The following SPON1 variants were observed in gnomAD, a reference collection of about 807,000 sequenced individuals.
SPON1 encodes the protein spondin-1.
SPON1 carries 52 observed loss-of-function variants against 111.7 expected under a neutral mutation model. The observed-to-expected ratio is 0.47, with a 90% CI of 0.37 to 0.59. The LOEUF (loss-of-function observed/expected upper bound fraction) is 0.59. Ranked by LOEUF, SPON1 falls within the 20% of genes least tolerant of loss-of-function variation. The pLI, the probability that SPON1 is intolerant of heterozygous loss-of-function variation, is 0.00. For missense variants in SPON1, 957 were observed against 1,068.5 expected (o/e 0.90, Z 1.46); for synonymous variants, 410 against 395.8 (o/e 1.04, Z -0.43).
chr11:14,064,960 T>C (rs1217245054), intron 3 of SPON1, among the ~76,000 whole-genome samples: 5 of 152,218 alleles, frequency 3.3e-5, no homozygotes, highest in African/African-American at 1.2e-4. Flanking sequence ...CCCAAAGCAA[T>C]GCACATGCTT....
chr11:14,256,247 C>CAAAAAGA, intron 9 of SPON1, among the ~76,000 whole-genome samples: 1 of 150,934 alleles, frequency 6.6e-6, no homozygotes. Flanking sequence ...AACTCCATCT[C>CAAAAAGA]AAAAAGAAAA....
chr11:14,161,019 C>G (rs1348533105), intron 6 of SPON1, among the ~76,000 whole-genome samples: 1 of 55,376 alleles, frequency 1.8e-5, no homozygotes, highest in Non-Finnish European at 3.0e-5. Flanking sequence ...ATTTATATAT[C>G]TATATATATT....
chr11:14,026,651 C>A (rs1554915346), intron 2 of SPON1, among the ~76,000 whole-genome samples: 1 of 152,178 alleles, frequency 6.6e-6, no homozygotes, highest in Non-Finnish European at 1.5e-5. Flanking sequence ...GAGAATACAA[C>A]AAGCTTCAGG....
intron 5 of SPON1, among the ~76,000 whole-genome samples, chr11:14,117,715 T>C (rs1344991031): frequency 6.6e-6 from 1 of 152,200 alleles, no homozygotes; most frequent in East Asian, 1.9e-4. Flanking sequence ...CTTAGTTAAA[T>C]AGACTTTGCT....
intron 3 of SPON1, among the ~76,000 whole-genome samples, chr11:14,059,793 G>T (rs1188717715): frequency 6.6e-6 from 1 of 152,136 alleles, no homozygotes; most frequent in Non-Finnish European, 1.5e-5. Flanking sequence ...GAAAAGCCTG[G>T]TTATTCCATT....
At chr11:14,090,850 C>A (rs1218970401) in intron 5 of SPON1, among the ~76,000 whole-genome samples, 21 of 87,232 alleles carry the variant, frequency 2.4e-4, no homozygotes, top group African/African-American at 8.1e-4. Flanking sequence ...CCCCCGCCCA[C>A]ATCCTGCTGA....
chr11:14,079,032 T>C (rs1450554767), intron 4 of SPON1, among the ~76,000 whole-genome samples: 3 of 152,180 alleles, frequency 2.0e-5, no homozygotes, highest in African/African-American at 7.2e-5. Flanking sequence ...ATTATGTTAA[T>C]ACTACTAGAG....
intron 2 of SPON1, among the ~76,000 whole-genome samples, chr11:13,992,269 A>C (rs969370246): frequency 7.2e-5 from 11 of 152,102 alleles, no homozygotes; most frequent in Non-Finnish European, 1.6e-4. Flanking sequence ...CAGAGAAGAG[A>C]AATCTGGCAG....
intron 6 of SPON1, among the ~76,000 whole-genome samples, chr11:14,217,045 C>T (rs1848632748): frequency 1.3e-5 from 2 of 152,198 alleles, no homozygotes; most frequent in Non-Finnish European, 1.5e-5. Context: ...TGAAGCCATT[C>T]CCTAGGAGAA....
At chr11:14,247,875 A>T (rs1288222424) in intron 7 of SPON1, among the ~76,000 whole-genome samples, 1 of 152,236 alleles carries the variant, frequency 6.6e-6, no homozygotes, top group Non-Finnish European at 1.5e-5. Context: ...TCTGGAACTC[A>T]GGGCAAGAAT....
chr11:13,963,532 T>G (rs1367214288), intron 1 of SPON1, among the ~76,000 whole-genome samples: 1 of 152,130 alleles, frequency 6.6e-6, no homozygotes, highest in Non-Finnish European at 1.5e-5. Flanking sequence ...CTTCTCTTGG[T>G]CGGGTCCCGG....
At chr11:14,234,940 G>A (rs1864659) in intron 6 of SPON1, among the ~76,000 whole-genome samples, 150,255 of 152,362 alleles carry the variant, frequency 0.99, 74,124 homozygotes, top group East Asian at 1. Flanking sequence ...TTGTGATGGT[G>A]GCTGCTTCCC....
chr11:14,041,685 T>C, intron 3 of SPON1, 31 bp downstream of exon 3: 1 of 1,611,342 alleles, frequency 6.2e-7, no homozygotes, highest in Non-Finnish European at 8.5e-7. Flanking sequence ...TCCCTGCAGT[T>C]TATCAAAGAC....
chr11:14,095,294 A>G (rs1301499271), intron 5 of SPON1, among the ~76,000 whole-genome samples: 3 of 152,136 alleles, frequency 2.0e-5, no homozygotes, highest in Non-Finnish European at 2.9e-5. Context: ...GAAGAGTGAT[A>G]CCATATGGAC....
intron 6 of SPON1, among the ~76,000 whole-genome samples, chr11:14,200,813 TTAAAAAAAAAAAA>T (rs1848453678): frequency 1.7e-5 from 1 of 60,508 alleles, no homozygotes. Context: ...AGACCCTGTC[TTAAAAAAAAAAAA>T]AAAAAAAAAA....
chr11:14,255,864 A>G, intron 9 of SPON1, 77 bp downstream of exon 9: 3 of 1,453,476 alleles, frequency 2.1e-6, no homozygotes, highest in South Asian at 1.3e-5. Flanking sequence ...CTTCTGCTCT[A>G]GAATCATAGA....
At chr11:14,167,988 C>A (rs2133879661) in intron 6 of SPON1, among the ~76,000 whole-genome samples, 1 of 152,294 alleles carries the variant, frequency 6.6e-6, no homozygotes, top group Non-Finnish European at 1.5e-5. Flanking sequence ...TTCTCTTTAA[C>A]AAAATCCATA....
intron 2 of SPON1, among the ~76,000 whole-genome samples, chr11:14,005,237 G>T (rs1436189163): frequency 6.6e-6 from 1 of 152,146 alleles, no homozygotes; most frequent in Non-Finnish European, 1.5e-5. Context: ...GTTGGCAGCT[G>T]CCCTGTGTCC....
chr11:14,214,647 CT>C (rs1271511704), intron 6 of SPON1, among the ~76,000 whole-genome samples: 1 of 152,166 alleles, frequency 6.6e-6, no homozygotes. Flanking sequence ...ATTCCAACTG[CT>C]ATGTCAGTCA....
Sources: gnomAD v4.1 joint callset for allele counts (sites outside exome capture counted in the v4.1 genomes callset) on GRCh38, gnomAD v4.1.1 for gene constraint, MANE v1.5 for transcripts, NCBI Gene and HGNC (gene_info 2026-07-23, HGNC 2026-07-21) for gene names.